The following ADTRP variants were observed in gnomAD, a reference collection of about 807,000 sequenced individuals.
ADTRP encodes androgen-dependent TFPI-regulating protein.
ADTRP carries 20 observed loss-of-function variants against 27.0 expected under a neutral mutation model. That is an observed-to-expected ratio of 0.74 (90% CI 0.52 to 1.08). ADTRP has a LOEUF of 1.08. ADTRP is among the 50% of genes least tolerant of loss of function. The pLI is 0.00. For synonymous variants in ADTRP, 101 were observed against 105.2 expected (o/e 0.96, Z 0.25); for missense variants, 251 against 275.0 (o/e 0.91, Z 0.62).
intron 3 of ADTRP, among the ~76,000 whole-genome samples, chr6:11,744,733 T>C (rs1395832409): frequency 6.6e-6 from 1 of 152,204 alleles, no homozygotes; most frequent in Non-Finnish European, 1.5e-5. Flanking sequence ...CAGAAACAGA[T>C]GGGCAGCTCT....
At position 11,768,258 on chromosome 6, in the gene ADTRP, A is replaced by G. The variant is rs1763638825; in HGVS notation, c.279T>C (p.Pro93=). The part of the protein sequence containing the change: ...RDLLFTTLAF[P]VSTFVFLAFW... ...CATCTTTGAAACTTACCGTGGATAC[A>G]GGAAAAGCCAGAGTGGTGAAAAGCA... is the stretch of plus-strand genomic sequence containing the variant. The change falls in exon 2 of 6, where the codon CCT becomes CCC. Residue 93 remains proline (P), a synonymous_variant. Transcript: ENST00000414691. 4 of 1,614,214 alleles carry G rather than the reference A, an allele frequency of 2.5e-6. No individual in the cohort carries two copies. Among genetic ancestry groups the G allele is most frequent in the Non-Finnish European group, 3.4e-6 (4 of 1,180,034 alleles).
intron 3 of ADTRP, among the ~76,000 whole-genome samples, chr6:11,749,538 A>C (rs921672475): frequency 6.6e-6 from 1 of 152,060 alleles, no homozygotes; most frequent in Non-Finnish European, 1.5e-5. Context: ...CAGAGGTCCC[A>C]TGGGAAGCCT....
chr6:11,731,766 T>TTA (rs1554112375), intron 4 of ADTRP, among the ~76,000 whole-genome samples: 24 of 151,796 alleles, frequency 1.6e-4, no homozygotes, highest in South Asian at 4.2e-4. Flanking sequence ...GTGTTTTTTT[T>TTA]ATGAGGTTTT....
intron 4 of ADTRP, 46 bp downstream of exon 4, chr6:11,735,522 G>T: frequency 1.4e-6 from 2 of 1,435,056 alleles, no homozygotes; most frequent in Non-Finnish European, 2.0e-6. Context: ...TTCCCTCAGG[G>T]TCTTGAACGA....
rs904269669 is a variant in ADTRP, at chr6:11,714,329, C to T, written c.*149G>A. On this transcript the variant is annotated 3_prime_UTR_variant, in exon 6 of 6. Coordinates refer to ENST00000414691, the MANE Select transcript of ADTRP (RefSeq NM_032744.4). The stretch of plus-strand genomic sequence containing the variant: ...GAGTTCTCAAGTTAAGCTACCTTCA[C>T]GAACCTCTTATTAAATTTAAGTATC... The T allele has an allele frequency of 1.0e-5, 9 of 895,300 alleles. No homozygotes were observed. Among genetic ancestry groups the T allele is most frequent in the East Asian group, 2.8e-5 (1 of 35,982 alleles). The allele number at this position is 895,300 out of a possible 1,614,324, so 55.5% of individuals were successfully genotyped here. A position where few individuals can be genotyped will look rare whatever the true frequency, so the allele number is the denominator to read the frequency against.
chr6:11,752,723 C>T (rs555706334), intron 3 of ADTRP, among the ~76,000 whole-genome samples: 2 of 152,218 alleles, frequency 1.3e-5, no homozygotes, highest in Non-Finnish European at 2.9e-5. Flanking sequence ...CTATTTGAAA[C>T]TACCCACTAG....
chr6:11,765,778 A>C (rs1480385877), intron 3 of ADTRP, among the ~76,000 whole-genome samples: 1 of 152,128 alleles, frequency 6.6e-6, no homozygotes, highest in Non-Finnish European at 1.5e-5. Context: ...CCAAAACACA[A>C]GCCTGAATAA....
intron 3 of ADTRP, among the ~76,000 whole-genome samples, chr6:11,754,073 G>A (rs1045417552): frequency 2.0e-5 from 3 of 152,194 alleles, no homozygotes; most frequent in African/African-American, 4.8e-5. Flanking sequence ...TGCACTCAAC[G>A]TAGAATCCCT....
At chr6:11,714,723 G>C (rs1761757812) in intron 5 of ADTRP, among the ~76,000 whole-genome samples, 1 of 152,210 alleles carries the variant, frequency 6.6e-6, no homozygotes, top group Admixed American at 6.5e-5. Flanking sequence ...CTCAGTGCTG[G>C]GTTCACAGTT....
At position 11,725,714 on chromosome 6, in the gene ADTRP, A is replaced by G. The variant is rs139034951; in HGVS notation, c.507-2214T>C. The stretch of plus-strand genomic sequence containing the variant: ...CAAAAGAACTGAAAACATGGCTAAC[A>G]TGGTGAAACCCCATCTCTACTAAAT... On this transcript the variant is annotated intron_variant, in intron 4 of 5. Transcript: ENST00000414691. 3.6e-3 allele frequency among the ~76,000 whole-genome samples: 550 copies of G among 152,218 alleles called. 3 individuals carry two copies. Among genetic ancestry groups the G allele is most frequent in the Admixed American group, 8.4e-3 (129 of 15,294 alleles).
At chr6:11,759,720 T>G (rs975155108) in intron 3 of ADTRP, among the ~76,000 whole-genome samples, 2 of 152,204 alleles carry the variant, frequency 1.3e-5, no homozygotes, top group South Asian at 4.1e-4. Context: ...GTTGATATGT[T>G]ACCTTGCATG....
chr6:11,769,805 G>T (rs1395712554), intron 1 of ADTRP, among the ~76,000 whole-genome samples: 2 of 151,750 alleles, frequency 1.3e-5, no homozygotes, highest in African/African-American at 4.8e-5. Flanking sequence ...TTTAAATGTA[G>T]AAAAAGATTA....
chr6:11,740,288 C>T (rs570899478), intron 3 of ADTRP, among the ~76,000 whole-genome samples: 11 of 152,240 alleles, frequency 7.2e-5, no homozygotes, highest in African/African-American at 1.9e-4. Flanking sequence ...ATGGTACTTA[C>T]GGATAAATAT....
At chr6:11,771,138 C>T (rs1763764413) in intron 1 of ADTRP, among the ~76,000 whole-genome samples, 1 of 152,150 alleles carries the variant, frequency 6.6e-6, no homozygotes, top group African/African-American at 2.4e-5. Context: ...TCAGATCCTC[C>T]GGGCCTTCTC....
intron 3 of ADTRP, among the ~76,000 whole-genome samples, chr6:11,738,979 G>A (rs896943938): frequency 8.5e-5 from 13 of 152,064 alleles, no homozygotes; most frequent in African/African-American, 2.7e-4. Context: ...TGTTTCAAGC[G>A]TATGGGTATT....
intron 5 of ADTRP, chr6:11,717,189 A>G (rs2113866489): frequency 9.8e-7 from 1 of 1,022,338 alleles, no homozygotes; most frequent in South Asian, 1.7e-5. Context: ...CATTTTTCCC[A>G]GTAGAAAGTA....
Position 11,775,147 on chromosome 6 carries a change from G to A in ADTRP, c.153+3460C>T, listed in dbSNP as rs370257656. Among the ~76,000 whole-genome samples the A allele has an allele frequency of 4.6e-5, 7 of 152,208 alleles. No homozygotes were observed. The East Asian group carries it at 1.2e-3, about 25-fold the overall frequency. ...GAGAAATAGTAGCCATGAAGGGGAA[G>A]GGGGTGGATGACTCCTGCTGGCCTC... On this transcript the variant is annotated intron_variant, in intron 1 of 5. Coordinates refer to ENST00000414691, the MANE Select transcript of ADTRP (RefSeq NM_032744.4).
At chr6:11,755,048 T>G (rs1763169319) in intron 3 of ADTRP, 1 of 985,322 alleles carries the variant, frequency 1.0e-6, no homozygotes, top group Non-Finnish European at 1.2e-6. Context: ...CTGGTTATTC[T>G]CCAGCATCAA....
intron 5 of ADTRP, among the ~76,000 whole-genome samples, chr6:11,719,006 C>A (rs1057107777): frequency 2.0e-5 from 3 of 152,212 alleles, no homozygotes; most frequent in Non-Finnish European, 2.9e-5. Context: ...TTCTTGCTCT[C>A]TTGTCCATAT....
Sources: allele counts gnomAD v4.1 joint callset (sites outside exome capture counted in the v4.1 genomes callset), GRCh38; gene constraint gnomAD v4.1.1; transcripts MANE v1.5; gene names NCBI Gene and HGNC (gene_info 2026-07-23, HGNC 2026-07-21).